NCKAP5: variants seen among roughly 807,000 people sequenced by gnomAD.
NCKAP5 encodes the protein NCK associated protein 5.
Under a neutral mutation model 167.0 loss-of-function variants are expected in NCKAP5, and 92 were observed. The observed-to-expected ratio is 0.55, with a 90% CI of 0.47 to 0.66. The LOEUF is 0.66. Ranked by LOEUF, NCKAP5 falls within the 30% of genes least tolerant of loss-of-function variation. The probability of loss-of-function intolerance (pLI) is 0.00; values close to 1 mark genes in which losing one functional copy is unlikely to be tolerated. For synonymous variants in NCKAP5, 891 were observed against 877.4 expected (o/e 1.02, Z -0.27); for missense variants, 2,378 against 2,315.0 (o/e 1.03, Z -0.56).
intron 11 of NCKAP5, among the ~76,000 whole-genome samples, chr2:132,840,832 G>A (rs1307935530): frequency 1.3e-5 from 2 of 151,658 alleles, no homozygotes; most frequent in Non-Finnish European, 2.9e-5. Context: ...AATATTTCTA[G>A]GCTTTGTGGT....
At chr2:132,946,354 G>A (rs1482441837) in intron 8 of NCKAP5, among the ~76,000 whole-genome samples, 3 of 152,080 alleles carry the variant, frequency 2.0e-5, no homozygotes, top group African/African-American at 7.2e-5. Flanking sequence ...CCATCTTTAG[G>A]GTGAAGATCC....
At chr2:133,471,748 C>G (rs571210622) in intron 3 of NCKAP5, among the ~76,000 whole-genome samples, 38 of 152,230 alleles carry the variant, frequency 2.5e-4, no homozygotes, top group African/African-American at 9.1e-4. Flanking sequence ...TGTTGATCAG[C>G]CACTACTCCT....
intron 3 of NCKAP5, among the ~76,000 whole-genome samples, chr2:133,490,899 G>T (rs1316771817): frequency 2.0e-5 from 3 of 152,222 alleles, no homozygotes; most frequent in Admixed American, 2.0e-4. Flanking sequence ...TATAATGTAA[G>T]TTTTATGATT....
chr2:132,883,387 C>T (rs1027243631), intron 8 of NCKAP5, among the ~76,000 whole-genome samples: 2 of 152,146 alleles, frequency 1.3e-5, no homozygotes, highest in African/African-American at 4.8e-5. Flanking sequence ...TCCACCTTTG[C>T]CCCCACCCTT....
intron 4 of NCKAP5, among the ~76,000 whole-genome samples, chr2:133,299,753 G>C (rs1415707296): frequency 6.6e-6 from 1 of 152,074 alleles, no homozygotes; most frequent in Non-Finnish European, 1.5e-5. Context: ...CTCTGTCTCA[G>C]TCAATCAATC....
intron 5 of NCKAP5, among the ~76,000 whole-genome samples, chr2:133,153,423 A>G (rs1457330858): frequency 6.6e-6 from 1 of 152,130 alleles, no homozygotes; most frequent in Non-Finnish European, 1.5e-5. Flanking sequence ...AACTCCCTAT[A>G]CTTTCTGCTT....
chr2:133,155,466 T>G (rs1204631909), intron 5 of NCKAP5, among the ~76,000 whole-genome samples: 3 of 152,166 alleles, frequency 2.0e-5, no homozygotes, highest in Non-Finnish European at 4.4e-5. Flanking sequence ...GCCACAGCTC[T>G]TTCCCTGGAA....
chr2:132,730,346 T>A (rs1690876873), intron 17 of NCKAP5, among the ~76,000 whole-genome samples: 1 of 151,978 alleles, frequency 6.6e-6, no homozygotes, highest in Non-Finnish European at 1.5e-5. Flanking sequence ...ATACAAAAAA[T>A]TAGCCAGGTA....
chr2:133,362,394 C>T (rs190638981), intron 3 of NCKAP5, among the ~76,000 whole-genome samples: 48 of 152,218 alleles, frequency 3.2e-4, no homozygotes, highest in Non-Finnish European at 5.0e-4. Flanking sequence ...AGTTTGCTGG[C>T]AAACTCTGGG....
chr2:133,442,537 C>A (rs1281617621), intron 3 of NCKAP5, among the ~76,000 whole-genome samples: 1 of 152,178 alleles, frequency 6.6e-6, no homozygotes, highest in African/African-American at 2.4e-5. Flanking sequence ...GCCCCCAACC[C>A]CACTGCTTCC....
intron 6 of NCKAP5, among the ~76,000 whole-genome samples, chr2:132,994,830 G>C (rs190201137): frequency 6.6e-6 from 1 of 152,294 alleles, no homozygotes; most frequent in Admixed American, 6.5e-5. Flanking sequence ...AGATGGGATA[G>C]CCTACTACAC....
chr2:133,414,858 CAT>C (rs1689007763), intron 3 of NCKAP5, among the ~76,000 whole-genome samples: 1 of 152,184 alleles, frequency 6.6e-6, no homozygotes, highest in African/African-American at 2.4e-5. Flanking sequence ...TTCCTTAACA[CAT>C]GAGTTAACTT....
chr2:133,404,686 C>A (rs184707687), intron 3 of NCKAP5, among the ~76,000 whole-genome samples: 6 of 152,220 alleles, frequency 3.9e-5, no homozygotes, highest in African/African-American at 1.2e-4. Context: ...AAAATGATAT[C>A]TTTTTATACT....
rs148473114 is a variant in NCKAP5 at position 133,517,400 on chromosome 2, A to T, written c.69+58T>A. The T allele has an allele frequency of 2.3e-4, 210 of 906,470 alleles. No individual in the cohort carries two copies. The African/African-American group carries it at 3.4e-3, about 15-fold the overall frequency. The allele number at this position is 906,470 out of a possible 1,614,324, so 56.2% of individuals were successfully genotyped here. A position where few individuals can be genotyped will look rare whatever the true frequency, so the allele number is the denominator to read the frequency against. On this transcript the variant is annotated intron_variant, in intron 3 of 19. Transcript: ENST00000409261. ...ACAGCGTTCAGGAAATAACAGTCAAAGAATAATGCATTCAAAGCCAAAACA... is the reference window on the plus strand; with the variant it reads ...ACAGCGTTCAGGAAATAACAGTCAATGAATAATGCATTCAAAGCCAAAACA...
chr2:133,127,020 A>G (rs2082425044), intron 6 of NCKAP5, among the ~76,000 whole-genome samples: 1 of 152,180 alleles, frequency 6.6e-6, no homozygotes, highest in African/African-American at 2.4e-5. Context: ...CACATCCCAG[A>G]TATCATCATG....
chr2:133,115,786 T>TGC (rs2082056306), intron 6 of NCKAP5, among the ~76,000 whole-genome samples: 1 of 80,776 alleles, frequency 1.2e-5, no homozygotes, highest in Non-Finnish European at 2.2e-5. Context: ...TATATATATA[T>TGC]ATATATATAT....
rs375592629 is a variant in NCKAP5 at position 132,971,396 on chromosome 2, CA to C, written c.430-7528del. Among the ~76,000 whole-genome samples, 31 of 152,224 alleles carry C rather than the reference CA, an allele frequency of 2.0e-4. No individual in the cohort carries two copies. In the East Asian group the frequency reaches 4.4e-3, roughly 22 times the overall value. ...GGGGAGGGAGATGAGGCTGGATGGG[CA>C]GATGGGGCTAGGCCACTTGTCAAGG... On this transcript the variant is annotated intron_variant, in intron 7 of 19. Transcript: ENST00000409261.
rs1683245359 is a variant in NCKAP5, at chr2:132,783,496, T to C, written c.3315A>G (p.Leu1105=). The C allele has an allele frequency of 1.9e-6, 3 of 1,607,612 alleles. No individual in the cohort carries two copies. The highest frequency in any genetic ancestry group is 2.5e-6 in the Non-Finnish European group (3 of 1,176,892). The part of the protein sequence containing the change: ...SASTPPKPSF[L]GVNESPSSQV... ...GAGATGATGGTGACTCATTTACCCC[T>C]AAGAAGGAAGGCTTGGGGGGTGTGG... Residue 1105 remains leucine, a synonymous_variant, in exon 14 of 20, where the codon TTA becomes TTG. Coordinates refer to ENST00000409261, the MANE Select transcript of NCKAP5 (RefSeq NM_207363.3).
At chr2:132,769,255 C>T (rs1171491038) in intron 16 of NCKAP5, among the ~76,000 whole-genome samples, 1 of 152,140 alleles carries the variant, frequency 6.6e-6, no homozygotes, top group Non-Finnish European at 1.5e-5. Flanking sequence ...GCCAAGTTAA[C>T]AATGTCTTCT....
Sources: gnomAD v4.1 joint callset for allele counts (sites outside exome capture counted in the v4.1 genomes callset) on GRCh38, gnomAD v4.1.1 for gene constraint, MANE v1.5 for transcripts, NCBI Gene and HGNC (gene_info 2026-07-23, HGNC 2026-07-21) for gene names.